Variants in RHBDF2 observed in about 807,000 individuals in gnomAD.
The protein encoded by RHBDF2 is rhomboid 5 homolog 2.
RHBDF2 carries 38 observed loss-of-function variants against 95.2 expected under a neutral mutation model. That is an observed-to-expected ratio of 0.40 (90% CI 0.31 to 0.52). The LOEUF (loss-of-function observed/expected upper bound fraction) is 0.52, where lower values mean the gene tolerates loss of function less well. Among genes scored for constraint, RHBDF2 ranks in the 20% least tolerant of loss-of-function variants. RHBDF2 has a pLI of 0.56. For missense variants in RHBDF2, 863 were observed against 1,137.7 expected (o/e 0.76, Z 3.47); for synonymous variants, 442 against 462.0 (o/e 0.96, Z 0.55).
chr17:76,484,775 G>C (rs1484882559), intron 2 of RHBDF2, among the ~76,000 whole-genome samples: 1 of 152,118 alleles, frequency 6.6e-6, no homozygotes, highest in African/African-American at 2.4e-5. Flanking sequence ...AGCTTTCCTG[G>C]GCCCCTCATT....
chr17:76,491,317 C>T (rs1029608205), intron 1 of RHBDF2, among the ~76,000 whole-genome samples: 1 of 152,224 alleles, frequency 6.6e-6, no homozygotes, highest in Non-Finnish European at 1.5e-5. Context: ...CCAGCTGAGA[C>T]CCCTGCCCAG....
chr17:76,474,483 C>T lies in RHBDF2; in HGVS notation c.1354G>A (p.Gly452Arg), dbSNP rs1012638550. 5.0e-6 allele frequency: 8 copies of T among 1,614,160 alleles called. No homozygotes were observed. Among genetic ancestry groups the T allele is most frequent in the African/African-American group, 2.7e-5 (2 of 75,062 alleles). The part of the protein sequence containing the change: ...AKFSPCIRKD[G>R]QIEQLVLRER... ...CGCAGCACCAGCTGCTCGATCTGCC[C>T]GTCCTTCCGGATGCAGGGTGAGAAC... Residue 452 changes from glycine to arginine, a missense_variant, in exon 12 of 19, where the codon GGG becomes AGG. By Grantham distance (125) the Gly-to-Arg change is moderately radical. Transcript: ENST00000675367.
chr17:76,476,619 G>T lies in RHBDF2; in HGVS notation c.1115+211C>A, dbSNP rs1375795687. 16 of 634,780 alleles carry T rather than the reference G, an allele frequency of 2.5e-5. No individual in the cohort carries two copies. In the East Asian group the frequency reaches 4.4e-4, roughly 17 times the overall value. 39.3% of individuals were successfully genotyped at this position (634,780 alleles called of 1,614,324 possible). The stretch of plus-strand genomic sequence containing the variant: ...GGGGACCAGGCTCAGAAAGCATGGG[G>T]TGGAAGAGAGGCAGCAAGCACCCCT... On this transcript the variant is annotated intron_variant, in intron 9 of 18. Coordinates refer to ENST00000675367, the MANE Select transcript of RHBDF2 (RefSeq NM_001005498.4).
intron 1 of RHBDF2, among the ~76,000 whole-genome samples, chr17:76,488,394 G>A (rs2144332144): frequency 6.6e-6 from 1 of 152,232 alleles, no homozygotes; most frequent in Admixed American, 6.5e-5. Context: ...CAGCTACTCG[G>A]GAGGTTGAGG....
At chr17:76,490,081 TG>T (rs1337274359) in intron 1 of RHBDF2, among the ~76,000 whole-genome samples, 4 of 152,188 alleles carry the variant, frequency 2.6e-5, no homozygotes, top group Non-Finnish European at 4.4e-5. Flanking sequence ...AACCAGAGGC[TG>T]GGGAGTAGCC....
intron 1 of RHBDF2, among the ~76,000 whole-genome samples, chr17:76,492,586 GGC>G (rs1176408396): frequency 3.9e-5 from 6 of 152,212 alleles, no homozygotes; most frequent in African/African-American, 1.4e-4. Context: ...CCTCCACGCG[GGC>G]CCAGCCCACT....
Position 76,471,915 on chromosome 17 carries a change from G to A in RHBDF2, c.2202C>T (p.Gly734=), listed in dbSNP as rs143480176. 2.8e-4 allele frequency: 447 copies of A among 1,576,458 alleles called. No homozygotes were observed. The highest frequency in any genetic ancestry group is 3.7e-4 in the Non-Finnish European group (433 of 1,160,832). The change falls in exon 19 of 19, where the codon GGC becomes GGT. Residue 734 remains glycine, a synonymous_variant. Coordinates refer to ENST00000675367, the MANE Select transcript of RHBDF2 (RefSeq NM_001005498.4). ...SAIVLFLFIC[G]LLPWIDNIAH... ...CGATGTTGTCGATCCAGGGCAGGAGGCCACAGATGAACAGGAAGAGCACGA... is the reference window on the plus strand; with the variant it reads ...CGATGTTGTCGATCCAGGGCAGGAGACCACAGATGAACAGGAAGAGCACGA...
In RHBDF2 at chr17:76,472,213, G is replaced by T. The variant is rs1248505141; in HGVS notation, c.2065-161C>A. On this transcript the variant is annotated intron_variant, in intron 18 of 18. Coordinates refer to ENST00000675367, the MANE Select transcript of RHBDF2 (RefSeq NM_001005498.4). The stretch of plus-strand genomic sequence containing the variant: ...GGCTGGAGCTGCTGGACCAAAGCTG[G>T]GCCTGCTCCGCCCATTCTTTCAGCA... 8 of 669,988 alleles carry T rather than the reference G, an allele frequency of 1.2e-5. No homozygotes were observed. In the South Asian group the frequency reaches 1.3e-4, roughly 11 times the overall value. 41.5% of individuals were successfully genotyped at this position (669,988 alleles called of 1,614,324 possible).
chr17:76,492,122 G>A (rs910442018), intron 1 of RHBDF2, among the ~76,000 whole-genome samples: 2 of 152,226 alleles, frequency 1.3e-5, no homozygotes, highest in African/African-American at 4.8e-5. Context: ...AGCCCAGCTG[G>A]GAGATGCCAA....
intron 9 of RHBDF2, chr17:76,476,558 A>T (rs1330933474): frequency 6.6e-6 from 3 of 452,370 alleles, no homozygotes; most frequent in Non-Finnish European, 1.2e-5. Context: ...CACTCAATGA[A>T]CATTTGTTGA....
At chr17:76,488,748 A>C (rs2074214458) in intron 1 of RHBDF2, among the ~76,000 whole-genome samples, 1 of 152,254 alleles carries the variant, frequency 6.6e-6, no homozygotes, top group Middle Eastern at 3.4e-3. Flanking sequence ...GGAGTTCGAG[A>C]CCAGTCTGGC....
In RHBDF2 at chr17:76,472,040, C is replaced by T. The variant is rs750242409; in HGVS notation, c.2077G>A (p.Gly693Ser). ...CAGGCGAGGAGGCCGAACTGTGAGC[C>T]GGCCGGGCCCACCTGGGGCGGGGCA... ...LPYRAEVGPA[G>S]SQFGLLACLF... is the part of the protein sequence containing the mutation. The change falls in exon 19 of 19, where the codon GGC (glycine) becomes AGC (serine). Residue 693 changes from glycine (G) to serine (S), a missense_variant. Transcript: ENST00000675367. 13 of 1,563,252 alleles carry T rather than the reference C, an allele frequency of 8.3e-6. No individual in the cohort carries two copies. The highest frequency in any genetic ancestry group is 4.7e-5 in the East Asian group (2 of 42,638).
chr17:76,479,859 G>C lies in RHBDF2; in HGVS notation c.151-5C>G. On this transcript the variant is annotated splice_region_variant and splice_polypyrimidine_tract_variant and intron_variant, in intron 3 of 18. Transcript: ENST00000675367. ...CAAGTAGGCTGGGTTCTTCCTCTTG[G>C]GGAGGAAGGAGGGAGGGCAGGCGGT... 6.2e-7 allele frequency: 1 copy of C among 1,612,182 alleles called. No homozygotes were observed. Among genetic ancestry groups the C allele is most frequent in the Non-Finnish European group, 8.5e-7 (1 of 1,179,406 alleles).
chr17:76,486,109 C>T (rs1002590215), intron 2 of RHBDF2, among the ~76,000 whole-genome samples: 1 of 140,534 alleles, frequency 7.1e-6, no homozygotes, highest in Non-Finnish European at 1.6e-5. Context: ...CACACACACA[C>T]ACACACATAT....
At chr17:76,480,228 A>AT (rs1179436913) in intron 3 of RHBDF2, among the ~76,000 whole-genome samples, 1 of 151,044 alleles carries the variant, frequency 6.6e-6, no homozygotes, top group Non-Finnish European at 1.5e-5. Flanking sequence ...GACTATAGGC[A>AT]TGTGCCACCA....
At chr17:76,498,003 A>G (rs1038536685) in intron 1 of RHBDF2, among the ~76,000 whole-genome samples, 3 of 152,198 alleles carry the variant, frequency 2.0e-5, no homozygotes, top group African/African-American at 7.2e-5. Flanking sequence ...TTGGACCACA[A>G]ACAACTCCCA....
At chr17:76,494,766 C>A (rs2074392655) in intron 1 of RHBDF2, among the ~76,000 whole-genome samples, 1 of 152,040 alleles carries the variant, frequency 6.6e-6, no homozygotes, top group Non-Finnish European at 1.5e-5. Flanking sequence ...AACACACAGA[C>A]AAAATAAAAC....
intron 1 of RHBDF2, among the ~76,000 whole-genome samples, chr17:76,496,792 C>T (rs894245740): frequency 2.6e-5 from 4 of 152,080 alleles, no homozygotes; most frequent in African/African-American, 7.2e-5. Flanking sequence ...GACGGAGTCT[C>T]GCTCTGCTGC....
chr17:76,474,124 CA>C lies in RHBDF2; in HGVS notation c.1482del (p.Phe494LeufsTer156). Reference protein sequence around the residue: ...RKDCSETLATFVKWQDDTGPP... With the variant: ...RKDCSETLATXVKWQDDTGPP... ...GGCCCAGTGTCATCCTGCCACTTGA[CA>C]AAAGTGGCCAAAGTCTCCTGGAGGG... is the stretch of plus-strand genomic sequence containing the variant. On this transcript the variant is annotated frameshift_variant, in exon 13 of 19. Transcript: ENST00000675367. LOFTEE classifies it high-confidence loss of function. The C allele has an allele frequency of 6.3e-7, 1 of 1,587,526 alleles. No individual in the cohort carries two copies.
Sources: allele counts gnomAD v4.1 joint callset (sites outside exome capture counted in the v4.1 genomes callset), GRCh38; gene constraint gnomAD v4.1.1; transcripts MANE v1.5; gene names NCBI Gene and HGNC (gene_info 2026-07-23, HGNC 2026-07-21).